Variants in PCNX2 observed in about 807,000 individuals in gnomAD.
PCNX2 encodes the protein pecanex 2.
PCNX2 carries 168 observed loss-of-function variants against 223.8 expected under a neutral mutation model. That is an observed-to-expected ratio of 0.75 (90% confidence interval 0.66 to 0.85). The LOEUF (loss-of-function observed/expected upper bound fraction) is 0.85, where lower values mean the gene tolerates loss of function less well. Ranked by LOEUF, PCNX2 falls within the 40% of genes least tolerant of loss-of-function variation. PCNX2 has a pLI of 0.00. For synonymous variants in PCNX2, 1,006 were observed against 1,052.6 expected, an observed-to-expected ratio of 0.96 and a Z score of 0.86; for missense variants, 2,507 against 2,675.5, an observed-to-expected ratio of 0.94 and a Z score of 1.39.
At chr1:233,325,088 CT>C in the PCNX2 span, among the ~76,000 whole-genome samples, 12 of 152,266 alleles carry the variant, frequency 7.9e-5, no homozygotes, top group Admixed American at 5.9e-4. Context: ...GTCACTTTGA[CT>C]TTTAAGTCTT....
At chr1:233,309,004 A>G in the PCNX2 span, among the ~76,000 whole-genome samples, 2 of 152,220 alleles carry the variant, frequency 1.3e-5, no homozygotes, top group African/African-American at 4.8e-5. Flanking sequence ...AGATACACCT[A>G]TGAAAGAGTG....
chr1:233,056,325 A>T (rs1672189843), intron 24 of PCNX2, among the ~76,000 whole-genome samples: 1 of 152,272 alleles, frequency 6.6e-6, no homozygotes, highest in Non-Finnish European at 1.5e-5. Flanking sequence ...CTAAAAGTAG[A>T]GATTCAACTC....
At chr1:233,232,720 A>G (rs982391057) in intron 9 of PCNX2, 1 of 764,604 alleles carries the variant, frequency 1.3e-6, no homozygotes, top group Non-Finnish European at 1.6e-6. Flanking sequence ...TAATGTTTTA[A>G]TGATAGTAAA....
At chr1:233,091,113 G>A (rs969978352) in intron 22 of PCNX2, among the ~76,000 whole-genome samples, 1 of 152,104 alleles carries the variant, frequency 6.6e-6, no homozygotes, top group African/African-American at 2.4e-5. Context: ...AGAATCCATG[G>A]GGGTGGCAGA....
chr1:233,085,164 C>T (rs1673537617), intron 23 of PCNX2, among the ~76,000 whole-genome samples: 1 of 152,046 alleles, frequency 6.6e-6, no homozygotes, highest in African/African-American at 2.4e-5. Context: ...GAAACCCCAT[C>T]TCTACTAAAA....
At chr1:233,249,906 C>A (rs546984916) in intron 8 of PCNX2, among the ~76,000 whole-genome samples, 1 of 152,176 alleles carries the variant, frequency 6.6e-6, no homozygotes, top group Non-Finnish European at 1.5e-5. Flanking sequence ...GCACACAGGA[C>A]CCCTCCCCCT....
chr1:233,233,912 T>A (rs1202839107), intron 9 of PCNX2, among the ~76,000 whole-genome samples: 1 of 152,104 alleles, frequency 6.6e-6, no homozygotes, highest in Non-Finnish European at 1.5e-5. Flanking sequence ...CTAGATAGTC[T>A]TATCTCCTTT....
intron 10 of PCNX2, among the ~76,000 whole-genome samples, chr1:233,221,463 G>A (rs538788614): frequency 6.6e-6 from 1 of 152,146 alleles, no homozygotes; most frequent in East Asian, 1.9e-4. Flanking sequence ...ATTCTCCTCT[G>A]CCAGGATTCA....
At chr1:233,218,553 T>G (rs1657165512) in intron 10 of PCNX2, among the ~76,000 whole-genome samples, 2 of 152,016 alleles carry the variant, frequency 1.3e-5, no homozygotes, top group South Asian at 2.1e-4. Context: ...CCCAGCCAGT[T>G]TTGCCATTTT....
At chr1:233,010,859 G>A (rs557111991) in intron 28 of PCNX2, among the ~76,000 whole-genome samples, 1 of 152,204 alleles carries the variant, frequency 6.6e-6, no homozygotes, top group African/African-American at 2.4e-5. Flanking sequence ...AATTTTGCAT[G>A]CATATATTTT....
At chr1:233,012,240 A>AAC (rs2102813619) in intron 28 of PCNX2, among the ~76,000 whole-genome samples, 1 of 152,294 alleles carries the variant, frequency 6.6e-6, no homozygotes, top group African/African-American at 2.4e-5. Context: ...TTTCAAGTCA[A>AAC]ACTATTTATG....
intron 18 of PCNX2, 84 bp from the exon 19 acceptor site, chr1:233,160,517 T>C (rs1216627801): frequency 3.7e-5 from 53 of 1,418,560 alleles, no homozygotes; most frequent in Non-Finnish European, 4.6e-5. Flanking sequence ...AACATCACTG[T>C]CCTTCCACTT....
At chr1:232,985,759 T>A (rs1669451173) in intron 33 of PCNX2, 1 of 582,352 alleles carries the variant, frequency 1.7e-6, no homozygotes, top group South Asian at 2.2e-5. Context: ...AGAAGAGTCC[T>A]GCTGTGTGAA....
intron 17 of PCNX2, among the ~76,000 whole-genome samples, 196 bp downstream of exon 17, chr1:233,177,606 C>T (rs367767097): frequency 6.6e-6 from 1 of 152,208 alleles, no homozygotes; most frequent in Non-Finnish European, 1.5e-5. Context: ...TTCTTTACAG[C>T]ACCGGAGAGC....
chr1:233,233,077 A>G (rs1658166988), intron 9 of PCNX2: 1 of 953,794 alleles, frequency 1.0e-6, no homozygotes, highest in Non-Finnish European at 1.2e-6. Context: ...CCTGCCTCTC[A>G]ACCAGCAGTG....
chr1:233,263,185 G>GCA, intron 1 of PCNX2, 22 bp from the exon 2 acceptor site: 5 of 1,548,154 alleles, frequency 3.2e-6, no homozygotes, highest in Non-Finnish European at 4.4e-6. Context: ...AAAAGACAGA[G>GCA]AAAAATCATT....
chr1:233,104,426 T>C (rs1674653079), intron 21 of PCNX2, among the ~76,000 whole-genome samples: 1 of 152,054 alleles, frequency 6.6e-6, no homozygotes, highest in African/African-American at 2.4e-5. Context: ...ATAGAATACA[T>C]AGCAGTACAT....
chr1:233,096,962 T>C (rs1674210235), intron 21 of PCNX2, among the ~76,000 whole-genome samples: 1 of 152,152 alleles, frequency 6.6e-6, no homozygotes, highest in Non-Finnish European at 1.5e-5. Flanking sequence ...AAAAGGAGGT[T>C]AATTAGAATC....
intron 28 of PCNX2, among the ~76,000 whole-genome samples, chr1:233,005,733 G>A (rs1248615598): frequency 2.0e-5 from 3 of 152,196 alleles, no homozygotes; most frequent in Non-Finnish European, 4.4e-5. Context: ...GCGGGCAGCA[G>A]AGGTCCGCAG....
Sources: allele counts gnomAD v4.1 joint callset (sites outside exome capture counted in the v4.1 genomes callset), GRCh38; gene constraint gnomAD v4.1.1; transcripts MANE v1.5; gene names NCBI Gene and HGNC (gene_info 2026-07-23, HGNC 2026-07-21).